ARL15: variants seen among roughly 807,000 people sequenced by gnomAD.
The protein encoded by ARL15 is ADP-ribosylation factor-like protein 15.
In ARL15, 19 loss-of-function variants were observed where a neutral mutation model predicts 25.2. The ratio of observed to expected loss-of-function variants is 0.75; its 90% CI spans 0.53 to 1.10. ARL15 has a LOEUF of 1.10. Ranked by LOEUF, ARL15 falls within the 50% of genes least tolerant of loss-of-function variation. ARL15 has a pLI of 0.00. For missense variants in ARL15, 220 were observed against 246.0 expected (o/e 0.89, Z 0.71); for synonymous variants, 94 against 86.8 (o/e 1.08, Z -0.46).
intron 4 of ARL15, among the ~76,000 whole-genome samples, chr5:53,930,018 T>C (rs1248967562): frequency 6.6e-6 from 1 of 152,160 alleles, no homozygotes; most frequent in Non-Finnish European, 1.5e-5. Flanking sequence ...AAATAATTTA[T>C]AGGGAGTTTC....
chr5:54,123,831 T>C (rs886138984), intron 3 of ARL15, among the ~76,000 whole-genome samples: 1 of 152,190 alleles, frequency 6.6e-6, no homozygotes, highest in Non-Finnish European at 1.5e-5. Flanking sequence ...TGAAATTAAT[T>C]TTAATTAACT....
intron 4 of ARL15, among the ~76,000 whole-genome samples, chr5:54,026,134 AGCTT>A (rs1469024774): frequency 3.3e-5 from 5 of 152,324 alleles, no homozygotes; most frequent in Admixed American, 2.6e-4. Context: ...TAGACTGACT[AGCTT>A]GTTTCAACTT....
At chr5:53,932,858 A>G (rs1163253307) in intron 4 of ARL15, among the ~76,000 whole-genome samples, 1 of 152,174 alleles carries the variant, frequency 6.6e-6, no homozygotes, top group African/African-American at 2.4e-5. Flanking sequence ...AAGGAATTAC[A>G]GGGGAAAATG....
intron 4 of ARL15, among the ~76,000 whole-genome samples, chr5:54,067,970 T>C (rs1209930088): frequency 6.6e-6 from 1 of 152,208 alleles, no homozygotes; most frequent in Non-Finnish European, 1.5e-5. Flanking sequence ...CTGTTTTAAT[T>C]ATTTGTTTGT....
intron 1 of ARL15, among the ~76,000 whole-genome samples, chr5:54,184,439 TAAAAAAAAAA>T (rs527755025): frequency 5.8e-5 from 4 of 69,118 alleles, no homozygotes; most frequent in African/African-American, 1.4e-4. Context: ...ACACTGTCTT[TAAAAAAAAAA>T]AAAAAAAAAA....
intron 1 of ARL15, among the ~76,000 whole-genome samples, chr5:54,185,745 A>G (rs948622257): frequency 3.3e-5 from 5 of 152,214 alleles, no homozygotes; most frequent in African/African-American, 1.2e-4. Flanking sequence ...TCAATAATCA[A>G]TAGGTGTTAT....
chr5:53,953,263 A>G (rs911225972), intron 4 of ARL15, among the ~76,000 whole-genome samples: 2 of 152,200 alleles, frequency 1.3e-5, no homozygotes, highest in Non-Finnish European at 2.9e-5. Context: ...TATCCATAAA[A>G]TAAATGAGAT....
intron 4 of ARL15, among the ~76,000 whole-genome samples, chr5:54,007,609 C>T (rs1040317427): frequency 1.2e-4 from 18 of 152,096 alleles, no homozygotes; most frequent in Non-Finnish European, 1.8e-4. Context: ...GAGTTCGAGA[C>T]CAGCCTGGGC....
intron 4 of ARL15, among the ~76,000 whole-genome samples, chr5:53,903,346 G>A (rs749871083): frequency 3.9e-4 from 59 of 152,142 alleles, no homozygotes; most frequent in Non-Finnish European, 7.1e-4. Context: ...ACCTTCCCAC[G>A]GGACATTTGA....
chr5:54,071,327 A>G (rs182553420), intron 4 of ARL15, among the ~76,000 whole-genome samples: 34 of 152,300 alleles, frequency 2.2e-4, no homozygotes, highest in Admixed American at 9.8e-4. Flanking sequence ...TTTAATTAGA[A>G]AAAATGATGA....
intron 1 of ARL15, among the ~76,000 whole-genome samples, chr5:54,181,907 G>A (rs1755069542): frequency 1.4e-5 from 2 of 142,678 alleles, no homozygotes; most frequent in South Asian, 4.9e-4. Flanking sequence ...CAGTGATGAT[G>A]AGCATTTTTT....
chr5:54,001,857 T>C (rs899896307), intron 4 of ARL15, among the ~76,000 whole-genome samples: 2 of 152,212 alleles, frequency 1.3e-5, no homozygotes, highest in Non-Finnish European at 2.9e-5. Context: ...AAGTTCTGTC[T>C]TAAATTCTCA....
At chr5:54,243,707 A>T (rs1757017070) in intron 1 of ARL15, among the ~76,000 whole-genome samples, 1 of 152,216 alleles carries the variant, frequency 6.6e-6, no homozygotes. Flanking sequence ...CATCTTCCCA[A>T]TTCTGATTTT....
At chr5:53,978,838 A>G (rs1241813802) in intron 4 of ARL15, among the ~76,000 whole-genome samples, 1 of 152,156 alleles carries the variant, frequency 6.6e-6, no homozygotes, top group Non-Finnish European at 1.5e-5. Flanking sequence ...ATTGAGGTTA[A>G]GTTTCTATAC....
chr5:54,300,081 T>C (rs1286821018), intron 1 of ARL15, among the ~76,000 whole-genome samples: 1 of 152,156 alleles, frequency 6.6e-6, no homozygotes, highest in Admixed American at 6.5e-5. Context: ...CCCACCTCAA[T>C]ACCTACAGTG....
rs928875722 is a variant in ARL15 at position 54,254,719 on chromosome 5, G to A, written c.48+55713C>T. Among the ~76,000 whole-genome samples, 7 of 152,282 alleles carry A rather than the reference G, an allele frequency of 4.6e-5. No individual in the cohort carries two copies. In the East Asian group the frequency reaches 5.8e-4, roughly 13 times the overall value. On this transcript the variant is annotated intron_variant, in intron 1 of 4. Coordinates refer to ENST00000504924, the MANE Select transcript of ARL15 (RefSeq NM_019087.3). ...TAAGCACTGTTGTGTGTCCTTACACGAGTTACGTGGCTGGCACAGCCTTGC... is the reference window on the plus strand; with the variant it reads ...TAAGCACTGTTGTGTGTCCTTACACAAGTTACGTGGCTGGCACAGCCTTGC...
chr5:54,221,781 TG>T (rs1756378667), intron 1 of ARL15, among the ~76,000 whole-genome samples: 1 of 150,158 alleles, frequency 6.7e-6, no homozygotes, highest in African/African-American at 2.5e-5. Context: ...AAAAAAGTCA[TG>T]GGGGCCAGAG....
chr5:54,281,817 T>C (rs11954928), intron 1 of ARL15, among the ~76,000 whole-genome samples: 61,526 of 152,170 alleles, frequency 0.4, 16,143 homozygotes, highest in Non-Finnish European at 0.57. Flanking sequence ...TATTTTCCCG[T>C]GACTTGTTTC....
intron 1 of ARL15, among the ~76,000 whole-genome samples, chr5:54,189,115 G>T (rs150522893): frequency 1.3e-5 from 2 of 152,132 alleles, no homozygotes; most frequent in African/African-American, 4.8e-5. Flanking sequence ...CTTAACCAAG[G>T]AGGTGAAAAG....
Sources: allele counts gnomAD v4.1 joint callset (sites outside exome capture counted in the v4.1 genomes callset), GRCh38; gene constraint gnomAD v4.1.1; transcripts MANE v1.5; gene names NCBI Gene and HGNC (gene_info 2026-07-23, HGNC 2026-07-21).